Variants in GPR75 observed in about 807,000 individuals in gnomAD.
GPR75 encodes the protein probable G protein-coupled receptor 75.
Under a neutral mutation model 26.0 loss-of-function variants are expected in GPR75, and 27 were observed. The ratio of observed to expected loss-of-function variants is 1.04; its 90% CI spans 0.77 to 1.43. GPR75 has a LOEUF of 1.43. Ranked by LOEUF, GPR75 falls within the 40% of genes most tolerant of loss-of-function variation. The pLI, the probability that GPR75 is intolerant of heterozygous loss-of-function variation, is 0.00. For synonymous variants in GPR75, 285 were observed against 256.3 expected (o/e 1.11, Z -1.07); for missense variants, 699 against 662.3 (o/e 1.06, Z -0.61).
At position 53,854,021 on chromosome 2, in the gene GPR75, C is replaced by T; in HGVS notation, c.736G>A (p.Ala246Thr). Reference sequence around the variant, plus strand: ...CCCATGAAAGGCTGTGGTCTGGAAGCATCGACTGTGATTACAGGGGGGCAC... The same window carrying T: ...CCCATGAAAGGCTGTGGTCTGGAAGTATCGACTGTGATTACAGGGGGGCAC... ...RKCPPVITVD[A>T]SRPQPFMGVP... Residue 246 changes from alanine to threonine, a missense_variant, in exon 2 of 2, where the codon GCT becomes ACT. By Grantham distance (58) the Ala-to-Thr change is moderately conservative (BLOSUM62 0). Coordinates refer to ENST00000394705, the MANE Select transcript of GPR75 (RefSeq NM_006794.4). 6.2e-7 allele frequency: 1 copy of T among 1,614,184 alleles called. No individual in the cohort carries two copies. The highest frequency in any genetic ancestry group is 1.1e-5 in the South Asian group (1 of 91,080).
intron 1 of GPR75, among the ~76,000 whole-genome samples, chr2:53,858,941 A>C (rs1558631190): frequency 6.6e-6 from 1 of 152,080 alleles, no homozygotes; most frequent in Non-Finnish European, 1.5e-5. Flanking sequence ...ATGAATTCAC[A>C]TGCATATTCT....
chr2:53,853,547 T>C lies in GPR75; in HGVS notation c.1210A>G (p.Lys404Glu), dbSNP rs1170141669. 1.2e-6 allele frequency: 2 copies of C among 1,614,192 alleles called. No individual in the cohort carries two copies. Among genetic ancestry groups the C allele is most frequent in the East Asian group, 4.5e-5 (2 of 44,888 alleles). Residue 404 changes from lysine (K) to glutamate (E), a missense_variant, in exon 2 of 2, where the codon AAG (lysine) becomes GAG (glutamate). Coordinates refer to ENST00000394705, the MANE Select transcript of GPR75 (RefSeq NM_006794.4). ...IGLGFFCCKQ[K>E]TRLRAMGKGN... ...TTTCCCATGGCTCGAAGTCGAGTCT[T>C]TTGTTTGCAGCAGAAAAAACCCAGG... is the stretch of plus-strand genomic sequence containing the variant.
rs760524691 is a variant in GPR75 at position 53,854,117 on chromosome 2, AGAAGGT to A, written c.634_639del (p.Thr212_Phe213del). 6.2e-7 allele frequency: 1 copy of A among 1,614,182 alleles called. No homozygotes were observed. Among genetic ancestry groups the A allele is most frequent in the Admixed American group, 1.7e-5 (1 of 60,024 alleles). On this transcript the variant is annotated inframe_deletion, in exon 2 of 2. Coordinates refer to ENST00000394705, the MANE Select transcript of GPR75 (RefSeq NM_006794.4). ...TAAGAGACAGAGACCACAGCAACAC[AGAAGGT>A]GAAGTCGACCACATAGAGAGACAAA...
chr2:53,857,144 T>C (rs1678252673), intron 1 of GPR75, among the ~76,000 whole-genome samples: 2 of 150,534 alleles, frequency 1.3e-5, no homozygotes, highest in African/African-American at 4.9e-5. Flanking sequence ...TTTTTTTGTA[T>C]TTTTAGTAGA....
In GPR75 at chr2:53,854,562, C is replaced by A; in HGVS notation, c.195G>T (p.Leu65Phe). ...TCCTGAAGGCTGGATCGAAGAAGGA[C>A]AAGAAGACAATGAAGTTGCCATAGG... ...LGSYGNFIVF[L>F]SFFDPAFRKF... Residue 65 changes from leucine (L) to phenylalanine (F), a missense_variant, in exon 2 of 2, where the codon TTG (leucine) becomes TTT (phenylalanine). Physicochemically the swap from Leu to Phe is conservative, Grantham distance 22. Transcript: ENST00000394705. 3 of 1,614,024 alleles carry A rather than the reference C, an allele frequency of 1.9e-6. No homozygotes were observed. The highest frequency in any genetic ancestry group is 1.7e-6 in the Non-Finnish European group (2 of 1,179,976).
At position 53,853,816 on chromosome 2, in the gene GPR75, G is replaced by C; in HGVS notation, c.941C>G (p.Ala314Gly). Reference protein sequence around the residue: ...QLVSAINLSTAKDSKAVVTCV... With the variant: ...QLVSAINLSTGKDSKAVVTCV... ...GGTGACCACGGCTTTGGAATCCTTG[G>C]CAGTGGAGAGGTTGATGGCTGATAC... Residue 314 changes from alanine (A) to glycine (G), a missense_variant, in exon 2 of 2, where the codon GCC becomes GGC. Ala to Gly is a moderately conservative substitution (Grantham distance 60). Coordinates refer to ENST00000394705, the MANE Select transcript of GPR75 (RefSeq NM_006794.4). 1 of 1,614,176 alleles carries C rather than the reference G, an allele frequency of 6.2e-7. No individual in the cohort carries two copies. The highest frequency in any genetic ancestry group is 1.1e-5 in the South Asian group (1 of 91,082).
intron 1 of GPR75, 107 bp downstream of exon 1, chr2:53,859,721 G>A (rs1200943522): frequency 2.6e-6 from 2 of 775,302 alleles, no homozygotes; most frequent in East Asian, 6.5e-5. Flanking sequence ...GGTACGCGGA[G>A]CCGGGCCTGG....
intron 1 of GPR75, among the ~76,000 whole-genome samples, chr2:53,859,178 T>C (rs1277906540): frequency 2.0e-5 from 3 of 151,400 alleles, no homozygotes; most frequent in South Asian, 4.2e-4. Context: ...CCCCAAAATG[T>C]CTTAGGTTAG....
rs779033172 is a variant in GPR75, at chr2:53,853,945, A to T, written c.812T>A (p.Leu271Gln). ...GDPIQCAMPALYRNQNYNKLQ... is the reference protein window; with the variant it reads ...GDPIQCAMPAQYRNQNYNKLQ... The stretch of plus-strand genomic sequence containing the variant: ...TTTGTTGTAATTCTGGTTCCTATAC[A>T]GAGCCGGCATGGCACACTGGATGGG... The change falls in exon 2 of 2, where the codon CTG (leucine) becomes CAG (glutamine). Residue 271 changes from leucine (L) to glutamine (Q), a missense_variant. Coordinates refer to ENST00000394705, the MANE Select transcript of GPR75 (RefSeq NM_006794.4). 1 of 1,614,088 alleles carries T rather than the reference A, an allele frequency of 6.2e-7. No individual in the cohort carries two copies. Among genetic ancestry groups the T allele is most frequent in the Non-Finnish European group, 8.5e-7 (1 of 1,180,010 alleles).
Position 53,857,124 on chromosome 2 carries a change from C to T in GPR75, c.-109-2259G>A, listed in dbSNP as rs934083177. ...GACTACAGGCGCCCGCCACCGTGCC[C>T]GGCTAATTTTTTTTTTGTATTTTTA... is the stretch of plus-strand genomic sequence containing the variant. On this transcript the variant is annotated intron_variant, in intron 1 of 1. Coordinates refer to ENST00000394705, the MANE Select transcript of GPR75 (RefSeq NM_006794.4). 8.0e-5 allele frequency among the ~76,000 whole-genome samples: 12 copies of T among 149,864 alleles called. No individual in the cohort carries two copies. In the East Asian group the frequency reaches 2.2e-3, roughly 27 times the overall value.
chr2:53,855,892 T>C (rs1415523597), intron 1 of GPR75, among the ~76,000 whole-genome samples: 5 of 152,220 alleles, frequency 3.3e-5, no homozygotes, highest in Admixed American at 3.3e-4. Context: ...AAAAACCTTG[T>C]GTAGGACTAC....
At chr2:53,859,753 G>T in intron 1 of GPR75, 75 bp downstream of exon 1, 1 of 1,189,478 alleles carries the variant, frequency 8.4e-7, no homozygotes. Context: ...CGCGCTCCTC[G>T]CTATCCCGCC....
Position 53,854,476 on chromosome 2 carries a change from C to CA in GPR75, c.280dup (p.Cys94LeufsTer19). 6.2e-7 allele frequency: 1 copy of CA among 1,614,092 alleles called. No individual in the cohort carries two copies. Among genetic ancestry groups the CA allele is most frequent in the Non-Finnish European group, 8.5e-7 (1 of 1,180,012 alleles). ...GGTGAACATGGGGGCTGTCACTCCA[C>CA]AAATGAAGAGGTCACAGAAGGACAG... On this transcript the variant is annotated frameshift_variant, in exon 2 of 2. Coordinates refer to ENST00000394705, the MANE Select transcript of GPR75 (RefSeq NM_006794.4). LOFTEE classifies it high-confidence loss of function.
rs766483240 is a variant in GPR75 at position 53,853,540 on chromosome 2, C to T, written c.1217G>A (p.Arg406Gln). Residue 406 changes from arginine (R) to glutamine (Q), a missense_variant, in exon 2 of 2, where the codon CGA (arginine) becomes CAA (glutamine). Physicochemically the swap from Arg to Gln is conservative, Grantham distance 43. Transcript: ENST00000394705. ...GTTCCCTTTTCCCATGGCTCGAAGTCGAGTCTTTTGTTTGCAGCAGAAAAA... is the reference window on the plus strand; with the variant it reads ...GTTCCCTTTTCCCATGGCTCGAAGTTGAGTCTTTTGTTTGCAGCAGAAAAA... The part of the protein sequence containing the change: ...LGFFCCKQKT[R>Q]LRAMGKGNLE... The T allele has an allele frequency of 5.6e-6, 9 of 1,614,064 alleles. No individual in the cohort carries two copies. Among genetic ancestry groups the T allele is most frequent in the South Asian group, 3.3e-5 (3 of 91,052 alleles).
At position 53,853,571 on chromosome 2, in the gene GPR75, G is replaced by A; in HGVS notation, c.1186C>T (p.Leu396=). 6.2e-7 allele frequency: 1 copy of A among 1,614,114 alleles called. No individual in the cohort carries two copies. The highest frequency in any genetic ancestry group is 1.3e-5 in the African/African-American group (1 of 75,026). ...KVLWCLQYIG[L]GFFCCKQKTR... ...TTTTGTTTGCAGCAGAAAAAACCCA[G>A]GCCTATGTATTGGAGGCACCAGAGC... Residue 396 remains leucine (L), a synonymous_variant, in exon 2 of 2, where the codon CTG becomes TTG. Transcript: ENST00000394705.
chr2:53,853,426 T>G lies in GPR75; in HGVS notation c.1331A>C (p.Gln444Pro). ...SPKPQKKFVD[Q>P]ACGPSHSKES... is the part of the protein sequence containing the mutation. ...TTTTGAATGACTTGGGCCACAAGCC[T>G]GGTCCACAAATTTCTTCTGTGGCTT... Residue 444 changes from glutamine to proline, a missense_variant, in exon 2 of 2, where the codon CAG (glutamine) becomes CCG (proline). Gln to Pro is a moderately conservative substitution (Grantham distance 76). Coordinates refer to ENST00000394705, the MANE Select transcript of GPR75 (RefSeq NM_006794.4). 6.2e-7 allele frequency: 1 copy of G among 1,614,182 alleles called. No individual in the cohort carries two copies. Among genetic ancestry groups the G allele is most frequent in the Non-Finnish European group, 8.5e-7 (1 of 1,180,000 alleles).
At chr2:53,857,588 T>C (rs1452639164) in intron 1 of GPR75, among the ~76,000 whole-genome samples, 1 of 151,986 alleles carries the variant, frequency 6.6e-6, no homozygotes, top group Non-Finnish European at 1.5e-5. Context: ...GGCTAAGAGA[T>C]ATTTGGAAAA....
chr2:53,857,464 G>T (rs902516543), intron 1 of GPR75, among the ~76,000 whole-genome samples: 1 of 152,070 alleles, frequency 6.6e-6, no homozygotes, highest in African/African-American at 2.4e-5. Flanking sequence ...GAGGGATGCA[G>T]GAATTTGGCC....
chr2:53,854,407 A>G lies in GPR75; in HGVS notation c.350T>C (p.Phe117Ser), dbSNP rs1678172979. 6.2e-7 allele frequency: 1 copy of G among 1,614,034 alleles called. No individual in the cohort carries two copies. Among genetic ancestry groups the G allele is most frequent in the Admixed American group, 1.7e-5 (1 of 59,998 alleles). ...ACTGGTGAGATGGAAAGTGAAGCAGAAAGCATCCGGGATACTACTGGCTGA... is the reference window on the plus strand; with the variant it reads ...ACTGGTGAGATGGAAAGTGAAGCAGGAAGCATCCGGGATACTACTGGCTGA... ...FSSASSIPDAFCFTFHLTSSG... is the reference protein window; with the variant it reads ...FSSASSIPDASCFTFHLTSSG... The change falls in exon 2 of 2, where the codon TTC becomes TCC. Residue 117 changes from phenylalanine (F) to serine (S), a missense_variant. Transcript: ENST00000394705.
Sources: gnomAD v4.1 joint callset for allele counts (sites outside exome capture counted in the v4.1 genomes callset) on GRCh38, gnomAD v4.1.1 for gene constraint, MANE v1.5 for transcripts, NCBI Gene and HGNC (gene_info 2026-07-23, HGNC 2026-07-21) for gene names.